The following MAGI2 variants were observed in gnomAD, a reference collection of about 807,000 sequenced individuals.
MAGI2 encodes membrane associated guanylate kinase, WW and PDZ domain containing 2, also known as membrane-associated guanylate kinase, WW and PDZ domain-containing protein 2.
Under a neutral mutation model 133.3 loss-of-function variants are expected in MAGI2, and 35 were observed. The ratio of observed to expected loss-of-function variants is 0.26; its 90% CI spans 0.20 to 0.35. MAGI2 has a LOEUF of 0.35. Ranked by LOEUF, MAGI2 falls within the 10% of genes least tolerant of loss-of-function variation. The probability of loss-of-function intolerance (pLI) is 1.00; values close to 1 mark genes in which losing one functional copy is unlikely to be tolerated. For synonymous variants in MAGI2, 729 were observed against 710.6 expected, an observed-to-expected ratio of 1.03 and a Z score of -0.41; for missense variants, 1,636 against 1,863.4, an observed-to-expected ratio of 0.88 and a Z score of 2.25.
intron 6 of MAGI2, among the ~76,000 whole-genome samples, chr7:78,396,448 C>CCAAG (rs1796352489): frequency 6.6e-6 from 1 of 152,068 alleles, no homozygotes; most frequent in Non-Finnish European, 1.5e-5. Context: ...CTGCCCTTTA[C>CCAAG]TTTACTTGGA....
chr7:78,710,279 C>A lies in MAGI2; in HGVS notation c.419-83040G>T, dbSNP rs552867906. On this transcript the variant is annotated intron_variant, in intron 2 of 21. Coordinates refer to ENST00000354212, the MANE Select transcript of MAGI2 (RefSeq NM_012301.4). ...AGCTAGATAACCATCAAAATCAGGACTAATGCTAATTTTAAATCCTTTGCC... is the reference window on the plus strand; with the variant it reads ...AGCTAGATAACCATCAAAATCAGGAATAATGCTAATTTTAAATCCTTTGCC... 9.2e-5 allele frequency among the ~76,000 whole-genome samples: 14 copies of A among 152,266 alleles called. No homozygotes were observed. In the East Asian group the frequency reaches 2.5e-3, roughly 27 times the overall value.
At chr7:78,582,959 C>T (rs544122599) in intron 3 of MAGI2, among the ~76,000 whole-genome samples, 1 of 152,304 alleles carries the variant, frequency 6.6e-6, no homozygotes, top group African/African-American at 2.4e-5. Flanking sequence ...GTATTTTCAA[C>T]AGCTACCCCT....
At chr7:79,240,125 C>A (rs538040309) in intron 1 of MAGI2, among the ~76,000 whole-genome samples, 7 of 152,178 alleles carry the variant, frequency 4.6e-5, no homozygotes, top group African/African-American at 1.7e-4. Flanking sequence ...GGTCTGAGAC[C>A]TGAAGGCATT....
At chr7:79,256,029 T>C (rs1312538147) in intron 1 of MAGI2, among the ~76,000 whole-genome samples, 1 of 152,136 alleles carries the variant, frequency 6.6e-6, no homozygotes, top group East Asian at 1.9e-4. Flanking sequence ...TCATTTCTTA[T>C]CTAGAAGGCA....
chr7:78,837,517 G>T (rs759328124), intron 2 of MAGI2, among the ~76,000 whole-genome samples: 4 of 151,992 alleles, frequency 2.6e-5, no homozygotes, highest in Non-Finnish European at 4.4e-5. Flanking sequence ...AAGCTTATTT[G>T]GAGACAAGTT....
At chr7:78,113,534 A>T (rs570554518) in intron 20 of MAGI2, among the ~76,000 whole-genome samples, 1 of 152,302 alleles carries the variant, frequency 6.6e-6, no homozygotes, top group East Asian at 1.9e-4. Context: ...ATGTTTAGAT[A>T]TGTTAAGATA....
At chr7:78,542,510 G>T (rs1410490874) in intron 3 of MAGI2, among the ~76,000 whole-genome samples, 1 of 152,164 alleles carries the variant, frequency 6.6e-6, no homozygotes, top group African/African-American at 2.4e-5. Context: ...GTAACAGAGA[G>T]AACTCCCTTA....
At chr7:78,126,812 C>A (rs1311166311) in intron 19 of MAGI2, among the ~76,000 whole-genome samples, 8 of 152,126 alleles carry the variant, frequency 5.3e-5, no homozygotes, top group Admixed American at 5.2e-4. Context: ...ACCTAAAATA[C>A]CTCCACTGCT....
intron 9 of MAGI2, among the ~76,000 whole-genome samples, chr7:78,337,072 A>G (rs577969432): frequency 5.4e-4 from 82 of 152,332 alleles, no homozygotes; most frequent in African/African-American, 1.9e-3. Flanking sequence ...GAAGCTTTTT[A>G]ACTGAAGGAT....
intron 6 of MAGI2, among the ~76,000 whole-genome samples, chr7:78,441,180 C>G (rs1018660271): frequency 2.6e-5 from 4 of 152,178 alleles, no homozygotes; most frequent in African/African-American, 9.7e-5. Context: ...AAGCTGCCTT[C>G]TAAGTTTTCT....
intron 10 of MAGI2, among the ~76,000 whole-genome samples, chr7:78,249,278 T>C (rs950132197): frequency 1.3e-5 from 2 of 152,132 alleles, no homozygotes; most frequent in South Asian, 4.1e-4. Context: ...TGTAAATTAG[T>C]ATAGCCATTA....
In MAGI2 at chr7:78,564,783, C is replaced by CTTTTTTTTT. The variant is rs35069216; in HGVS notation, c.539-43147_539-43139dup. ...TACTTCATCTCATCTCTTTGACATTCTTTTTTTTTTTTTTTTTTTTTTTTT... is the reference window on the plus strand; with the variant it reads ...TACTTCATCTCATCTCTTTGACATTCTTTTTTTTTTTTTTTTTTTTTTTTTTTTTTTTTT... On this transcript the variant is annotated intron_variant, in intron 3 of 21. Transcript: ENST00000354212. 3.2e-3 allele frequency among the ~76,000 whole-genome samples: 208 copies of CTTTTTTTTT among 64,366 alleles called. 32 individuals are homozygous for CTTTTTTTTT. The highest frequency in any genetic ancestry group is 3.7e-3 in the Non-Finnish European group (133 of 36,140). The allele number at this position is 64,366 out of a possible 152,430, so 42.2% of individuals were successfully genotyped here.
At chr7:78,983,563 T>A (rs1189369868) in intron 2 of MAGI2, among the ~76,000 whole-genome samples, 1 of 151,904 alleles carries the variant, frequency 6.6e-6, no homozygotes, top group Non-Finnish European at 1.5e-5. Context: ...GCCAATAATC[T>A]CTATCAGCCA....
At chr7:79,168,895 T>G (rs1240810708) in intron 1 of MAGI2, among the ~76,000 whole-genome samples, 147 of 7,924 alleles carry the variant, frequency 0.019, no homozygotes, top group Non-Finnish European at 0.068. Flanking sequence ...GATAGATATA[T>G]ATATATATAT....
chr7:78,837,449 C>T (rs1337888920), intron 2 of MAGI2, among the ~76,000 whole-genome samples: 1 of 151,864 alleles, frequency 6.6e-6, no homozygotes, highest in Non-Finnish European at 1.5e-5. Context: ...AGAAATTTTC[C>T]ATTTTTATTA....
In MAGI2 at chr7:78,788,976, T is replaced by C. The variant is rs189316940; in HGVS notation, c.419-161737A>G. On this transcript the variant is annotated intron_variant, in intron 2 of 21. Coordinates refer to ENST00000354212, the MANE Select transcript of MAGI2 (RefSeq NM_012301.4). Reference sequence around the variant, plus strand: ...CTCCTGGGTCGCTGTCCAGATCTCATTGGTCTCCTCTCACTTTCTCCTGGC... The same window carrying C: ...CTCCTGGGTCGCTGTCCAGATCTCACTGGTCTCCTCTCACTTTCTCCTGGC... Among the ~76,000 whole-genome samples the C allele has an allele frequency of 2.8e-4, 42 of 152,268 alleles. No homozygotes were observed. In the East Asian group the frequency reaches 3.3e-3, roughly 12 times the overall value.
At position 79,146,468 on chromosome 7, in the gene MAGI2, G is replaced by A. The variant is rs576122685; in HGVS notation, c.302-139262C>T. 1.2e-3 allele frequency among the ~76,000 whole-genome samples: 181 copies of A among 152,238 alleles called. 1 individual carries two copies. Among genetic ancestry groups the A allele is most frequent in the African/African-American group, 4.2e-3 (176 of 41,544 alleles). On this transcript the variant is annotated intron_variant, in intron 1 of 21. Transcript: ENST00000354212. ...AATCTTTGACAGATATGACTTAATG[G>A]ATGGTGTGATTTTGTTGTGTCCCCA...
chr7:79,225,317 T>C (rs1332436035), intron 1 of MAGI2, among the ~76,000 whole-genome samples: 3 of 152,208 alleles, frequency 2.0e-5, no homozygotes, highest in Non-Finnish European at 2.9e-5. Flanking sequence ...CAAATGCTTG[T>C]TGTACACCTT....
At chr7:78,520,331 C>T (rs1013188265) in intron 4 of MAGI2, among the ~76,000 whole-genome samples, 2 of 151,998 alleles carry the variant, frequency 1.3e-5, no homozygotes, top group Non-Finnish European at 1.5e-5. Flanking sequence ...AAGTTTTTCG[C>T]TGATAAAAAT....
Sources: allele counts gnomAD v4.1 joint callset (sites outside exome capture counted in the v4.1 genomes callset), GRCh38; gene constraint gnomAD v4.1.1; transcripts MANE v1.5; gene names NCBI Gene and HGNC (gene_info 2026-07-23, HGNC 2026-07-21).